The following GLB1 variants were observed in gnomAD, a reference collection of about 807,000 sequenced individuals.
GLB1 encodes beta-galactosidase.
GLB1 carries 56 observed loss-of-function variants against 74.0 expected under a neutral mutation model. The observed-to-expected ratio is 0.76, with a 90% CI of 0.61 to 0.94. The LOEUF is 0.94. GLB1 is among the 40% of genes least tolerant of loss of function. GLB1 has a pLI of 0.00. For synonymous variants in GLB1, 323 were observed against 323.6 expected (o/e 1.00, Z 0.02); for missense variants, 787 against 845.5 (o/e 0.93, Z 0.86).
chr3:33,058,372 A>G lies in GLB1; in HGVS notation c.553-103T>C, dbSNP rs1699308314. On this transcript the variant is annotated intron_variant, in intron 5 of 15. Transcript: ENST00000307363. ...ATATCTGAGCATCTGCTAAGATGAC[A>G]AGGCTTAATGACTGCTGGAAAAATT... is the stretch of plus-strand genomic sequence containing the variant. The G allele has an allele frequency of 2.6e-6, 4 of 1,528,706 alleles. No individual in the cohort carries two copies. In the South Asian group the frequency reaches 4.7e-5, roughly 18 times the overall value. The allele number at this position is 1,528,706 out of a possible 1,614,324, so 94.7% of individuals were successfully genotyped here. A position where few individuals can be genotyped will look rare whatever the true frequency, so the allele number is the denominator to read the frequency against.
intron 10 of GLB1, among the ~76,000 whole-genome samples, chr3:33,039,404 G>C (rs4583587): frequency 0.93 from 141,721 of 152,050 alleles, 66,854 homozygotes; most frequent in East Asian, 1. Flanking sequence ...TACAACAAAA[G>C]AAGATGAGGA....
intron 1 of GLB1, among the ~76,000 whole-genome samples, chr3:33,076,340 G>A (rs1310866498): frequency 6.6e-6 from 1 of 152,234 alleles, no homozygotes. Context: ...CTGAGGCAGA[G>A]GAGGAGGCCA....
chr3:33,017,319 A>G (rs7629880), intron 13 of GLB1, among the ~76,000 whole-genome samples: 30,101 of 152,192 alleles, frequency 0.2, 3,121 homozygotes, highest in Non-Finnish European at 0.22. Flanking sequence ...CACGAAAATC[A>G]TACAACAGAA....
At chr3:33,085,484 T>C (rs1700474990) in intron 1 of GLB1, among the ~76,000 whole-genome samples, 2 of 152,094 alleles carry the variant, frequency 1.3e-5, no homozygotes, top group African/African-American at 2.4e-5. Flanking sequence ...TATACACTTA[T>C]GATTTTTTTT....
intron 12 of GLB1, among the ~76,000 whole-genome samples, 192 bp from the exon 13 acceptor site, chr3:33,018,753 T>A (rs1697348429): frequency 6.6e-6 from 1 of 152,170 alleles, no homozygotes; most frequent in Admixed American, 6.5e-5. Flanking sequence ...TCTATCATAA[T>A]AGTAAACTGC....
chr3:33,063,357 C>T lies in GLB1; in HGVS notation c.552+2106G>A, dbSNP rs562950494. The stretch of plus-strand genomic sequence containing the variant: ...TTATGTTTTTTCTGCTTTCTTATGT[C>T]TATACTTGTTTATTTTGTAAACAAG... On this transcript the variant is annotated intron_variant, in intron 5 of 15. Coordinates refer to ENST00000307363, the MANE Select transcript of GLB1 (RefSeq NM_000404.4). 2.0e-5 allele frequency among the ~76,000 whole-genome samples: 3 copies of T among 152,178 alleles called. No individual in the cohort carries two copies. In the East Asian group the frequency reaches 5.8e-4, roughly 29 times the overall value.
chr3:33,030,863 A>G, intron 10 of GLB1: 2 of 977,500 alleles, frequency 2.0e-6, no homozygotes, highest in South Asian at 9.5e-5. Flanking sequence ...TTGATTTGAC[A>G]GCATACAAAA....
chr3:33,030,453 G>T (rs72854778), intron 10 of GLB1: 73,047 of 961,052 alleles, frequency 0.076, 3,008 homozygotes, highest in East Asian at 0.23. Flanking sequence ...AAGTAATATT[G>T]CCTTTCTCAT....
chr3:33,040,941 A>C (rs149143944), intron 10 of GLB1, among the ~76,000 whole-genome samples: 448 of 152,364 alleles, frequency 2.9e-3, no homozygotes, highest in African/African-American at 9.1e-3. Context: ...AAAGGTTTTA[A>C]TCTTAGAATT....
intron 10 of GLB1, chr3:33,034,851 A>G: frequency 1.8e-6 from 1 of 541,984 alleles, no homozygotes. Context: ...TCCAGGACTG[A>G]CTGATCATCT....
At chr3:33,038,536 CA>C (rs201887295) in intron 10 of GLB1, among the ~76,000 whole-genome samples, 110 of 152,042 alleles carry the variant, frequency 7.2e-4, no homozygotes, top group Non-Finnish European at 1.2e-3. Context: ...GTTACAATTC[CA>C]AAAAAATGGA....
intron 10 of GLB1, chr3:33,034,862 A>C: frequency 3.9e-6 from 2 of 515,612 alleles, no homozygotes; most frequent in Admixed American, 4.4e-5. Flanking sequence ...CTGATCATCT[A>C]ATCTGCCTTA....
downstream of GLB1, among the ~76,000 whole-genome samples, chr3:32,995,941 A>G (rs556003715): frequency 7.2e-5 from 11 of 152,294 alleles, no homozygotes; most frequent in South Asian, 2.3e-3. Flanking sequence ...GCATCCAGAT[A>G]TAAGTATATG....
intron 10 of GLB1, among the ~76,000 whole-genome samples, chr3:33,038,332 C>T (rs1698370221): frequency 6.6e-6 from 1 of 152,126 alleles, no homozygotes; most frequent in Admixed American, 6.6e-5. Flanking sequence ...GAAAGGTTTG[C>T]CCTGTGCTCT....
chr3:33,036,079 G>T (rs1296387969), intron 10 of GLB1, among the ~76,000 whole-genome samples: 2 of 152,238 alleles, frequency 1.3e-5, no homozygotes, highest in Non-Finnish European at 2.9e-5. Context: ...ATCCAAATCA[G>T]ATTGGAAGTA....
chr3:33,062,291 CT>C (rs1357264901), intron 5 of GLB1, among the ~76,000 whole-genome samples: 3 of 152,184 alleles, frequency 2.0e-5, no homozygotes, highest in Non-Finnish European at 4.4e-5. Flanking sequence ...CCTCTGCCCC[CT>C]GAATGGCTGG....
chr3:33,090,194 T>C (rs73043352), intron 1 of GLB1, among the ~76,000 whole-genome samples: 21,883 of 152,218 alleles, frequency 0.14, 1,707 homozygotes, highest in Admixed American at 0.19. Flanking sequence ...GCTATGCTTT[T>C]TGAAAAAGGA....
In GLB1 at chr3:33,058,196, T is replaced by C. The variant is rs746144065; in HGVS notation, c.626A>G (p.His209Arg). Residue 209 changes from histidine (H) to arginine (R), a missense_variant, in exon 6 of 16, where the codon CAC (histidine) becomes CGC (arginine). His to Arg is a conservative substitution (Grantham distance 29). Coordinates refer to ENST00000307363, the MANE Select transcript of GLB1 (RefSeq NM_000404.4). ...CAGAACCACATCATCCCCCAGATGG[T>C]GGCGAAAGCGCTTCTGCAGGAAGCG... ...YLRFLQKRFR[H>R]HLGDDVVLFT... 4.3e-6 allele frequency: 7 copies of C among 1,614,066 alleles called. No individual in the cohort carries two copies. The highest frequency in any genetic ancestry group is 5.1e-6 in the Non-Finnish European group (6 of 1,179,990).
chr3:32,975,227 A>G, the GLB1 span, among the ~76,000 whole-genome samples: 1 of 152,082 alleles, frequency 6.6e-6, no homozygotes, highest in Non-Finnish European at 1.5e-5. Context: ...GACTACAGGC[A>G]TACACTACCA....
Sources: allele counts gnomAD v4.1 joint callset (sites outside exome capture counted in the v4.1 genomes callset), GRCh38; gene constraint gnomAD v4.1.1; transcripts MANE v1.5; gene names NCBI Gene and HGNC (gene_info 2026-07-23, HGNC 2026-07-21).